The following RCC1 variants were observed in gnomAD, a reference collection of about 807,000 sequenced individuals.
RCC1 encodes the protein regulator of chromosome condensation 1.
In RCC1, 11 loss-of-function variants were observed where a neutral mutation model predicts 44.4. The observed-to-expected ratio is 0.25, with a 90% CI of 0.16 to 0.41. RCC1 has a LOEUF of 0.41. RCC1 is among the 10% of genes least tolerant of loss of function. The pLI is 1.00. For missense variants in RCC1, 386 were observed against 547.1 expected, an observed-to-expected ratio of 0.71 and a Z score of 2.94; for synonymous variants, 213 against 216.5, an observed-to-expected ratio of 0.98 and a Z score of 0.14.
chr1:28,522,464 TAAG>T (rs1310371789), intron 4 of RCC1, among the ~76,000 whole-genome samples: 1 of 151,976 alleles, frequency 6.6e-6, no homozygotes, highest in Admixed American at 6.6e-5. Flanking sequence ...AGGGGACCAC[TAAG>T]GAGTCCAAGC....
chr1:28,508,944 A>G (rs756400070), intron 3 of RCC1, 39 bp downstream of exon 3: 2 of 490,160 alleles, frequency 4.1e-6, no homozygotes, highest in African/African-American at 3.9e-5. Context: ...GGGTTTGACA[A>G]TCTTTGGCAG....
At chr1:28,526,891 C>T (rs568230918) in intron 4 of RCC1, 15 of 715,138 alleles carry the variant, frequency 2.1e-5, no homozygotes, top group South Asian at 1.0e-4. Flanking sequence ...AGCAAGACTC[C>T]GTCTCGGAAA....
intron 4 of RCC1, among the ~76,000 whole-genome samples, chr1:28,520,141 G>A (rs528011174): frequency 3.7e-4 from 57 of 152,206 alleles, no homozygotes; most frequent in Non-Finnish European, 6.5e-4. Flanking sequence ...TACCACCTGT[G>A]TGCCTGGCAT....
Position 28,536,299 on chromosome 1 carries a change from C to G in RCC1, c.855C>G (p.Asn285Lys). The G allele has an allele frequency of 6.2e-7, 1 of 1,614,158 alleles. No individual in the cohort carries two copies. The change falls in exon 11 of 13, where the codon AAC (asparagine) becomes AAG (lysine). Residue 285 changes from asparagine to lysine, a missense_variant. Physicochemically the swap from Asn to Lys is moderately conservative, Grantham distance 94 (BLOSUM62 0). Coordinates refer to ENST00000683442, the MANE Select transcript of RCC1 (RefSeq NM_001381865.2). The surrounding 1 kb of genome is among the most constrained non-coding windows in gnomAD (Gnocchi z 4.9). ...PGTESCFIPQNLTSFKNSTKS... is the reference protein window; with the variant it reads ...PGTESCFIPQKLTSFKNSTKS... Reference sequence around the variant, plus strand: ...CAGAATCTTGCTTCATACCCCAGAACCTAACATCCTTCAAGAATTCCACCA... The same window carrying G: ...CAGAATCTTGCTTCATACCCCAGAAGCTAACATCCTTCAAGAATTCCACCA...
chr1:28,530,502 G>A (rs776886724), intron 5 of RCC1: 1 of 1,594,178 alleles, frequency 6.3e-7, no homozygotes, highest in South Asian at 1.1e-5. Flanking sequence ...CCCACGCTCA[G>A]ACAGTGTCTG....
chr1:28,512,128 C>A (rs188126773), intron 3 of RCC1, among the ~76,000 whole-genome samples: 1 of 151,706 alleles, frequency 6.6e-6, no homozygotes, highest in East Asian at 1.9e-4. Flanking sequence ...GCGCCTGCAC[C>A]GCACCCGGCT....
intron 12 of RCC1, among the ~76,000 whole-genome samples, chr1:28,537,578 G>T (rs1246118768): frequency 1.3e-5 from 2 of 152,212 alleles, no homozygotes; most frequent in African/African-American, 4.8e-5. Context: ...AGAGGGTGGG[G>T]TAGGACCTTG....
At chr1:28,531,127 G>T (rs1664134782) in intron 5 of RCC1, among the ~76,000 whole-genome samples, 1 of 152,076 alleles carries the variant, frequency 6.6e-6, no homozygotes, top group South Asian at 2.1e-4. Context: ...TACTCAGGAG[G>T]CTGAGGCAGA....
intron 4 of RCC1, among the ~76,000 whole-genome samples, chr1:28,517,885 CGTTGTGTG>C (rs1662987947): frequency 6.6e-6 from 1 of 152,138 alleles, no homozygotes; most frequent in Non-Finnish European, 1.5e-5. Context: ...CCTGTCATAG[CGTTGTGTG>C]GTTGTTGATA....
At chr1:28,531,497 G>T (rs1049577820) in intron 5 of RCC1, among the ~76,000 whole-genome samples, 1 of 151,892 alleles carries the variant, frequency 6.6e-6, no homozygotes, top group Non-Finnish European at 1.5e-5. Context: ...TTACAGGTGT[G>T]AGCCACCGCA....
chr1:28,521,408 G>A (rs955489912), intron 4 of RCC1, among the ~76,000 whole-genome samples: 6 of 151,726 alleles, frequency 4.0e-5, no homozygotes, highest in African/African-American at 1.5e-4. Flanking sequence ...GGCTGAGGCA[G>A]GAGAATGGCG....
At position 28,531,787 on chromosome 1, in the gene RCC1, C is replaced by G. The variant is rs1664191341; in HGVS notation, c.74-16C>G. On this transcript the variant is annotated splice_polypyrimidine_tract_variant and intron_variant, in intron 5 of 12. Transcript: ENST00000683442. ...GTCATCCTCTACACTCAGGGTCTAT[C>G]TTCTTCACCCTTCAGTCTCACACAG... The G allele has an allele frequency of 6.6e-7, 1 of 1,514,550 alleles. No individual in the cohort carries two copies. Among genetic ancestry groups the G allele is most frequent in the South Asian group, 1.4e-5 (1 of 73,572 alleles). The allele number at this position is 1,514,550 out of a possible 1,614,324, so 93.8% of individuals were successfully genotyped here. A position where few individuals can be genotyped will look rare whatever the true frequency, so the allele number is the denominator to read the frequency against.
chr1:28,536,894 A>G lies in RCC1; in HGVS notation c.1085A>G (p.Lys362Arg). 1 of 1,613,544 alleles carries G rather than the reference A, an allele frequency of 6.2e-7. No homozygotes were observed. The highest frequency in any genetic ancestry group is 8.5e-7 in the Non-Finnish European group (1 of 1,179,930). Residue 362 changes from lysine (K) to arginine (R), a missense_variant, in exon 12 of 13, where the codon AAG becomes AGG. Transcript: ENST00000683442. The surrounding 1 kb of genome is among the most constrained non-coding windows in gnomAD (Gnocchi z 4.9). ...CGASVGYAVT[K>R]DGRVFAWGMG... ...GCCTCTGTGGGGTATGCTGTGACCA[A>G]GGATGGTGAGTGGGGCTGCCTACAC... is the stretch of plus-strand genomic sequence containing the variant.
At chr1:28,537,731 G>A in intron 12 of RCC1, 101 bp from the exon 13 acceptor site, 1 of 1,242,552 alleles carries the variant, frequency 8.0e-7, no homozygotes. Context: ...AGCTGCTATT[G>A]GCCAAGGCCA....
intron 3 of RCC1, chr1:28,509,192 GCA>G (rs1662302360): frequency 3.4e-6 from 1 of 297,430 alleles, no homozygotes; most frequent in Non-Finnish European, 6.6e-6. Flanking sequence ...AGCTAGGAAT[GCA>G]CATTCTTTCA....
intron 5 of RCC1, among the ~76,000 whole-genome samples, chr1:28,531,124 G>T (rs1009741490): frequency 2.6e-5 from 4 of 152,100 alleles, no homozygotes; most frequent in Non-Finnish European, 5.9e-5. Flanking sequence ...AGCTACTCAG[G>T]AGGCTGAGGC....
intron 1 of RCC1, chr1:28,507,568 A>G (rs560039294): frequency 1.8e-4 from 91 of 516,610 alleles, no homozygotes; most frequent in South Asian, 1.3e-3. Flanking sequence ...TGCAGGAAAC[A>G]GCCTTCTAGA....
intron 3 of RCC1, among the ~76,000 whole-genome samples, chr1:28,512,012 C>T (rs1662581193): frequency 7.0e-6 from 1 of 143,198 alleles, no homozygotes; most frequent in Non-Finnish European, 1.5e-5. Context: ...GGAGTCTTTG[C>T]CTCCCAGGCT....
chr1:28,536,737 C>T lies in RCC1; in HGVS notation c.938-10C>T. 1 of 1,613,532 alleles carries T rather than the reference C, an allele frequency of 6.2e-7. No individual in the cohort carries two copies. Among genetic ancestry groups the T allele is most frequent in the Non-Finnish European group, 8.5e-7 (1 of 1,179,640 alleles). ...TCTGCTATTGCTCATCTCTCTCCCTCCTCCCATAGGAAAAGCATACAGCCT... is the reference window on the plus strand; with the variant it reads ...TCTGCTATTGCTCATCTCTCTCCCTTCTCCCATAGGAAAAGCATACAGCCT... On this transcript the variant is annotated splice_polypyrimidine_tract_variant and intron_variant, in intron 11 of 12. Coordinates refer to ENST00000683442, the MANE Select transcript of RCC1 (RefSeq NM_001381865.2). The surrounding 1 kb of genome is among the most constrained non-coding windows in gnomAD (Gnocchi z 4.9).
Sources: gnomAD v4.1 joint callset for allele counts (sites outside exome capture counted in the v4.1 genomes callset) on GRCh38, gnomAD v4.1.1 for gene constraint, Gnocchi (gnomAD v3.1) non-coding constraint, MANE v1.5 for transcripts, NCBI Gene and HGNC (gene_info 2026-07-23, HGNC 2026-07-21) for gene names.